CTDSPL2: variants seen among roughly 807,000 people sequenced by gnomAD.
CTDSPL2 encodes the protein CTD small phosphatase like 2.
CTDSPL2 carries 5 observed loss-of-function variants against 60.0 expected under a neutral mutation model. The ratio of observed to expected loss-of-function variants is 0.08; its 90% confidence interval spans 0.04 to 0.18. The LOEUF is 0.18. Ranked by LOEUF, CTDSPL2 falls within the 10% of genes least tolerant of loss-of-function variation. The pLI is 1.00. For synonymous variants in CTDSPL2, 186 were observed against 189.3 expected (o/e 0.98, Z 0.14); for missense variants, 370 against 548.8 (o/e 0.67, Z 3.26).
rs373091476 is a variant in CTDSPL2, at chr15:44,499,654, A to G, written c.883-73A>G. 9.5e-6 allele frequency: 8 copies of G among 844,780 alleles called. No individual in the cohort carries two copies. In the African/African-American group the frequency reaches 1.2e-4, roughly 13 times the overall value. 52.3% of individuals were successfully genotyped at this position (844,780 alleles called of 1,614,324 possible). On this transcript the variant is annotated intron_variant, in intron 7 of 12. Transcript: ENST00000260327. ...GAATGGGTGCTTTAGTGTTTTGGTG[A>G]TTAAGGATAAAAGTATCCTTTGAAG... is the stretch of plus-strand genomic sequence containing the variant.
intron 2 of CTDSPL2, among the ~76,000 whole-genome samples, chr15:44,459,419 C>T (rs1348191705): frequency 4.6e-5 from 7 of 152,036 alleles, no homozygotes; most frequent in African/African-American, 1.2e-4. Context: ...CCCAGCTACT[C>T]GGGAGGCTGA....
At chr15:44,465,492 T>C (rs1041680619) in intron 2 of CTDSPL2, among the ~76,000 whole-genome samples, 1 of 152,174 alleles carries the variant, frequency 6.6e-6, no homozygotes, top group African/African-American at 2.4e-5. Flanking sequence ...AATACTTTCA[T>C]GTGAAACAAA....
rs2081846299 is a variant in CTDSPL2, at chr15:44,524,789, GC to G, written c.*617del. ...GAATGGCCGTTTTCCTGCTTTGTCT[GC>G]CTGCACATTGTATATTTGTTTAAAA... On this transcript the variant is annotated 3_prime_UTR_variant, in exon 13 of 13. Transcript: ENST00000260327. 6.6e-6 allele frequency: 1 copy of G among 152,506 alleles called. No homozygotes were observed. The highest frequency in any genetic ancestry group is 2.1e-4 in the South Asian group (1 of 4,822). 9.4% of individuals were successfully genotyped at this position (152,506 alleles called of 1,614,324 possible). A position where few individuals can be genotyped will look rare whatever the true frequency, so the allele number is the denominator to read the frequency against.
intron 2 of CTDSPL2, among the ~76,000 whole-genome samples, chr15:44,473,265 T>A (rs2080847150): frequency 6.6e-6 from 1 of 152,194 alleles, no homozygotes; most frequent in Admixed American, 6.5e-5. Flanking sequence ...AAGAAACTAT[T>A]GGCAAAATCA....
rs746826475 is a variant in CTDSPL2, at chr15:44,514,595, T to C, written c.970-3T>C. ...GCTGAAACTTATCTTTGTATTTCCT[T>C]AGGTTTATGTGAGATTAAGACCATT... On this transcript the variant is annotated splice_polypyrimidine_tract_variant and splice_region_variant and intron_variant, in intron 8 of 12. Coordinates refer to ENST00000260327, the MANE Select transcript of CTDSPL2 (RefSeq NM_016396.3). 6.3e-7 allele frequency: 1 copy of C among 1,579,248 alleles called. No homozygotes were observed. The highest frequency in any genetic ancestry group is 1.1e-5 in the South Asian group (1 of 90,102).
At chr15:44,453,875 G>T (rs565821106) in intron 1 of CTDSPL2, among the ~76,000 whole-genome samples, 2 of 152,012 alleles carry the variant, frequency 1.3e-5, no homozygotes, top group African/African-American at 4.8e-5. Flanking sequence ...GAATAGTGCC[G>T]CAGTAAACAT....
At chr15:44,480,450 T>C (rs2081005727) in intron 2 of CTDSPL2, among the ~76,000 whole-genome samples, 1 of 152,192 alleles carries the variant, frequency 6.6e-6, no homozygotes, top group Non-Finnish European at 1.5e-5. Flanking sequence ...TGTCTTCTGG[T>C]TTCGTTGTAA....
chr15:44,519,008 A>C (rs1567106147), intron 10 of CTDSPL2, 161 bp from the exon 11 acceptor site: 1 of 405,902 alleles, frequency 2.5e-6, no homozygotes, highest in Non-Finnish European at 4.4e-6. Context: ...TTTATAGTAA[A>C]ATGGCAGCCC....
intron 2 of CTDSPL2, among the ~76,000 whole-genome samples, chr15:44,483,262 CAAA>C (rs764227469): frequency 2.6e-5 from 2 of 78,234 alleles, no homozygotes; most frequent in Admixed American, 1.5e-4. Context: ...GACTCTGTCT[CAAA>C]AAAAAAAAAA....
At chr15:44,480,158 T>C (rs1364570885) in intron 2 of CTDSPL2, among the ~76,000 whole-genome samples, 1 of 152,164 alleles carries the variant, frequency 6.6e-6, no homozygotes, top group Non-Finnish European at 1.5e-5. Context: ...GAGCAGACTG[T>C]TCCTGTCATT....
intron 2 of CTDSPL2, among the ~76,000 whole-genome samples, chr15:44,474,720 G>C (rs1198856084): frequency 6.6e-6 from 1 of 152,064 alleles, no homozygotes; most frequent in African/African-American, 2.4e-5. Flanking sequence ...ACCGGGCATG[G>C]TGACACATGC....
chr15:44,523,318 G>T (rs891996746), intron 12 of CTDSPL2, among the ~76,000 whole-genome samples: 3 of 152,070 alleles, frequency 2.0e-5, no homozygotes, highest in Non-Finnish European at 2.9e-5. Context: ...ATTTTGGAAG[G>T]CTAAGGTGGG....
chr15:44,457,911 G>A lies in CTDSPL2; in HGVS notation c.-24-1080G>A, dbSNP rs767186473. 1.7e-4 allele frequency among the ~76,000 whole-genome samples: 26 copies of A among 152,164 alleles called. No individual in the cohort carries two copies. In the South Asian group the frequency reaches 1.9e-3, roughly 11 times the overall value. On this transcript the variant is annotated intron_variant, in intron 1 of 12. Transcript: ENST00000260327. ...ACAGGTGTGAGCCACTGCGTGCCCA[G>A]CCTGTAGTTTCTATTTTTTAAAAAG...
chr15:44,461,522 A>G (rs900617224), intron 2 of CTDSPL2, among the ~76,000 whole-genome samples: 6 of 150,414 alleles, frequency 4.0e-5, no homozygotes, highest in East Asian at 2.0e-4. Context: ...CTGAATAGCT[A>G]GGACTACAGG....
At position 44,496,386 on chromosome 15, in the gene CTDSPL2, T is replaced by G; in HGVS notation, c.698T>G (p.Val233Gly). 6.2e-7 allele frequency: 1 copy of G among 1,611,766 alleles called. No individual in the cohort carries two copies. Among genetic ancestry groups the G allele is most frequent in the Non-Finnish European group, 8.5e-7 (1 of 1,178,174 alleles). ...NRDIPPLTAP[V>G]TPDSGYSSAH... Reference sequence around the variant, plus strand: ...CTTTCACTATGTTAAATAGCACCAGTAACTCCAGATAGTGGTTATTCATCA... The same window carrying G: ...CTTTCACTATGTTAAATAGCACCAGGAACTCCAGATAGTGGTTATTCATCA... The change falls in exon 6 of 13, where the codon GTA becomes GGA. Residue 233 changes from valine (V) to glycine (G), a missense_variant. This residue lies in a region of CTDSPL2 where 287 missense variants were observed against 296.1 expected (regional missense o/e 0.97). Transcript: ENST00000260327.
chr15:44,509,794 C>T (rs983860782), intron 8 of CTDSPL2, among the ~76,000 whole-genome samples: 1 of 150,100 alleles, frequency 6.7e-6, no homozygotes, highest in African/African-American at 2.4e-5. Flanking sequence ...GTTGTGGTGG[C>T]ATGCGCCTAT....
At chr15:44,483,369 C>G (rs577805303) in intron 2 of CTDSPL2, among the ~76,000 whole-genome samples, 1 of 151,296 alleles carries the variant, frequency 6.6e-6, no homozygotes, top group Non-Finnish European at 1.5e-5. Flanking sequence ...CCAACCTCGT[C>G]TCTACTAAAA....
At chr15:44,456,199 T>A (rs931251394) in intron 1 of CTDSPL2, among the ~76,000 whole-genome samples, 2 of 152,200 alleles carry the variant, frequency 1.3e-5, no homozygotes, top group African/African-American at 4.8e-5. Flanking sequence ...TGGTCTAAAA[T>A]TCTCTTTTTT....
chr15:44,468,998 T>A (rs1341978853), intron 2 of CTDSPL2, among the ~76,000 whole-genome samples: 5 of 152,116 alleles, frequency 3.3e-5, no homozygotes, highest in African/African-American at 1.2e-4. Context: ...GATACCACTC[T>A]GTTTGTATTC....
Sources: allele counts gnomAD v4.1 joint callset (sites outside exome capture counted in the v4.1 genomes callset), GRCh38; gene constraint gnomAD v4.1.1; regional missense constraint gnomAD v4.1.1; transcripts MANE v1.5; gene names NCBI Gene and HGNC (gene_info 2026-07-23, HGNC 2026-07-21).